The following ELAVL2 variants were observed in gnomAD, a reference collection of about 807,000 sequenced individuals.
ELAVL2 encodes ELAV like RNA binding protein 2.
ELAVL2 carries 4 observed loss-of-function variants against 34.6 expected under a neutral mutation model. The observed-to-expected ratio is 0.12, with a 90% CI of 0.06 to 0.26. The LOEUF (loss-of-function observed/expected upper bound fraction) is 0.26, where lower values mean the gene tolerates loss of function less well. ELAVL2 is among the 10% of genes least tolerant of loss of function. The pLI, the probability that ELAVL2 is intolerant of heterozygous loss-of-function variation, is 1.00. For synonymous variants in ELAVL2, 193 were observed against 154.8 expected (o/e 1.25, Z -1.83); for missense variants, 432 against 442.8 (o/e 0.98, Z 0.22).
At chr9:23,745,955 T>G (rs766265328) in intron 2 of ELAVL2, among the ~76,000 whole-genome samples, 3 of 152,194 alleles carry the variant, frequency 2.0e-5, no homozygotes, top group African/African-American at 4.8e-5. Flanking sequence ...AGGTTGTTCT[T>G]GCTCACACTC....
At chr9:23,731,159 A>C in intron 2 of ELAVL2, 34 bp from the exon 3 acceptor site, 1 of 1,577,824 alleles carries the variant, frequency 6.3e-7, no homozygotes, top group Non-Finnish European at 8.6e-7. Flanking sequence ...GGCATATATT[A>C]GTTCTATACT....
chr9:23,733,181 A>AC (rs2047011028), intron 2 of ELAVL2, among the ~76,000 whole-genome samples: 1 of 151,202 alleles, frequency 6.6e-6, no homozygotes, highest in African/African-American at 2.4e-5. Context: ...TTAAAAAAAA[A>AC]AAAAAAAAAA....
At chr9:23,833,437 CT>C in the ELAVL2 span, among the ~76,000 whole-genome samples, 1 of 151,522 alleles carries the variant, frequency 6.6e-6, no homozygotes, top group African/African-American at 2.4e-5. Context: ...ACAGATAAGA[CT>C]TTTTTAAGAT....
At chr9:23,742,015 A>G (rs551413601) in intron 2 of ELAVL2, among the ~76,000 whole-genome samples, 2 of 152,314 alleles carry the variant, frequency 1.3e-5, no homozygotes, top group East Asian at 1.9e-4. Context: ...AGGAGGATCC[A>G]TACTTCCTTG....
chr9:23,716,278 A>T (rs1258310810), intron 3 of ELAVL2, among the ~76,000 whole-genome samples: 1 of 152,140 alleles, frequency 6.6e-6, no homozygotes, highest in Admixed American at 6.6e-5. Flanking sequence ...ACAAACCTGC[A>T]CGTTGTGCAC....
chr9:23,818,984 G>T (rs2064130772), intron 1 of ELAVL2, among the ~76,000 whole-genome samples: 1 of 152,194 alleles, frequency 6.6e-6, no homozygotes, highest in African/African-American at 2.4e-5. Context: ...AGAGGAAAAG[G>T]TTGATCCCAG....
chr9:23,842,268 G>A, the ELAVL2 span, among the ~76,000 whole-genome samples: 1 of 151,938 alleles, frequency 6.6e-6, no homozygotes, highest in Non-Finnish European at 1.5e-5. Context: ...CTGTTCCCCT[G>A]AGTGAGAGTT....
chr9:23,734,842 A>AC (rs1171215150), intron 2 of ELAVL2, among the ~76,000 whole-genome samples: 1 of 151,616 alleles, frequency 6.6e-6, no homozygotes, highest in African/African-American at 2.4e-5. Flanking sequence ...TACCTTACCT[A>AC]CCCTTTTCCC....
intron 1 of ELAVL2, among the ~76,000 whole-genome samples, chr9:23,770,939 G>A (rs898513615): frequency 6.6e-5 from 10 of 152,318 alleles, no homozygotes; most frequent in African/African-American, 2.2e-4. Flanking sequence ...GAGATAACAG[G>A]GAGAGTAGGA....
At chr9:23,795,840 T>G (rs1474878360) in intron 1 of ELAVL2, among the ~76,000 whole-genome samples, 1 of 152,222 alleles carries the variant, frequency 6.6e-6, no homozygotes, top group Non-Finnish European at 1.5e-5. Context: ...TATTTAGCAT[T>G]TCCAGGAAAT....
chr9:23,762,064 A>T lies in ELAVL2; in HGVS notation c.171T>A (p.Ser57Arg), dbSNP rs1417390618. ...PQNMTQEELK[S>R]LFGSIGEIES... ...CTATTTCACCAATGCTCCCAAAGAG[A>T]CTCTTTAGTTCCTCCTGTGTCATGT... The change falls in exon 2 of 7, where the codon AGT becomes AGA. Residue 57 changes from serine to arginine, a missense_variant. By Grantham distance (110) the Ser-to-Arg change is moderately radical (BLOSUM62 -1). Around this residue, in one of 3 missense-constraint regions of ELAVL2, gnomAD observed 132 missense variants for 118.3 expected, o/e 1.12. Transcript: ENST00000397312. The T allele has an allele frequency of 6.2e-7, 1 of 1,613,012 alleles. No homozygotes were observed. The highest frequency in any genetic ancestry group is 1.1e-5 in the South Asian group (1 of 91,046).
chr9:23,807,042 T>TAA (rs1288168888), intron 1 of ELAVL2, among the ~76,000 whole-genome samples: 5 of 152,162 alleles, frequency 3.3e-5, no homozygotes, highest in Admixed American at 1.3e-4. Context: ...AAAAAAATGC[T>TAA]ATATCCATGT....
chr9:23,734,738 G>C (rs1369595077), intron 2 of ELAVL2, among the ~76,000 whole-genome samples: 1 of 151,842 alleles, frequency 6.6e-6, no homozygotes, highest in Non-Finnish European at 1.5e-5. Context: ...AACATAAATT[G>C]CATCTTATTT....
chr9:23,779,239 C>G lies in ELAVL2; in HGVS notation c.-15-16990G>C, dbSNP rs7038157. 13,243 of 985,306 alleles carry G rather than the reference C, an allele frequency of 0.013. 1,274 individuals are homozygous for G. The African/African-American group carries it at 0.21, about 16-fold the overall frequency. The allele number at this position is 985,306 out of a possible 1,614,324, so 61.0% of individuals were successfully genotyped here. A position where few individuals can be genotyped will look rare whatever the true frequency, so the allele number is the denominator to read the frequency against. On this transcript the variant is annotated intron_variant, in intron 1 of 6. Transcript: ENST00000397312. ...GAAGGGTAAATAAGAGGTCTTACTT[C>G]ACACTTTTTCTGCTGCTTTTGGTTT...
At chr9:23,718,592 G>A (rs1180371048) in intron 3 of ELAVL2, among the ~76,000 whole-genome samples, 1 of 152,082 alleles carries the variant, frequency 6.6e-6, no homozygotes, top group East Asian at 1.9e-4. Flanking sequence ...GAGAAAGCAA[G>A]GAAAAAGAAT....
chr9:23,774,902 T>C (rs2057949564), intron 1 of ELAVL2, among the ~76,000 whole-genome samples: 1 of 152,162 alleles, frequency 6.6e-6, no homozygotes, highest in South Asian at 2.1e-4. Flanking sequence ...TGAGATCACA[T>C]GGGATCAAGT....
At chr9:23,824,682 A>T (rs1424906174) in intron 1 of ELAVL2, among the ~76,000 whole-genome samples, 1 of 151,970 alleles carries the variant, frequency 6.6e-6, no homozygotes, top group East Asian at 1.9e-4. Flanking sequence ...CCTTTCCCAC[A>T]TCTACCCTGG....
At chr9:23,735,187 A>G (rs1477722036) in intron 2 of ELAVL2, 2 of 151,018 alleles carry the variant, frequency 1.3e-5, no homozygotes, top group Non-Finnish European at 3.0e-5. Context: ...GTAACTGAAC[A>G]TAAAGAAGAG....
chr9:23,751,534 G>C (rs77947980), intron 2 of ELAVL2, among the ~76,000 whole-genome samples: 1,567 of 152,200 alleles, frequency 0.01, 32 homozygotes, highest in African/African-American at 0.036. Flanking sequence ...TTAGGTTTTT[G>C]AACATCCCAA....
Sources: gnomAD v4.1 joint callset for allele counts (sites outside exome capture counted in the v4.1 genomes callset) on GRCh38, gnomAD v4.1.1 for gene constraint, gnomAD v4.1.1 regional missense constraint, MANE v1.5 for transcripts, NCBI Gene and HGNC (gene_info 2026-07-23, HGNC 2026-07-21) for gene names.